The following KAT6B variants were observed in gnomAD, a reference collection of about 807,000 sequenced individuals.
The protein encoded by KAT6B is histone acetyltransferase KAT6B.
In KAT6B, 10 loss-of-function variants were observed where a neutral mutation model predicts 187.5. That is an observed-to-expected ratio of 0.05 (90% CI 0.03 to 0.09). The LOEUF is 0.09. KAT6B is among the 10% of genes least tolerant of loss of function. The probability of loss-of-function intolerance (pLI) is 1.00; values close to 1 mark genes in which losing one functional copy is unlikely to be tolerated. For synonymous variants in KAT6B, 861 were observed against 926.8 expected, an observed-to-expected ratio of 0.93 and a Z score of 1.29; for missense variants, 1,952 against 2,558.9, an observed-to-expected ratio of 0.76 and a Z score of 5.12.
chr10:74,858,648 A>G (rs956679467), intron 3 of KAT6B, among the ~76,000 whole-genome samples: 1 of 152,104 alleles, frequency 6.6e-6, no homozygotes, highest in Admixed American at 6.6e-5. Flanking sequence ...CACAGGGTGC[A>G]TGAAAAATAC....
intron 3 of KAT6B, among the ~76,000 whole-genome samples, chr10:74,893,105 AC>A (rs1348622147): frequency 6.6e-6 from 1 of 152,206 alleles, no homozygotes; most frequent in Non-Finnish European, 1.5e-5. Context: ...CTGAGAGGAG[AC>A]TGAGAGCTGA....
intron 3 of KAT6B, among the ~76,000 whole-genome samples, chr10:74,913,101 A>G (rs746567309): frequency 1.3e-5 from 2 of 152,212 alleles, no homozygotes; most frequent in Non-Finnish European, 2.9e-5. Flanking sequence ...GGAGGGGAAG[A>G]TTTGCTATGA....
intron 17 of KAT6B, chr10:75,025,893 T>G (rs1001988500): frequency 6.5e-6 from 1 of 153,584 alleles, no homozygotes; most frequent in Non-Finnish European, 1.4e-5. Flanking sequence ...GATGTAGTGG[T>G]GTGCACCTGT....
intron 3 of KAT6B, among the ~76,000 whole-genome samples, chr10:74,856,348 A>G (rs375081602): frequency 9.9e-5 from 15 of 152,244 alleles, no homozygotes; most frequent in East Asian, 7.7e-4. Context: ...AGGCCTCCCA[A>G]AGTGCTGGGA....
At chr10:74,982,516 T>A (rs894920056) in intron 11 of KAT6B, 4 of 154,926 alleles carry the variant, frequency 2.6e-5, no homozygotes, top group Non-Finnish European at 4.3e-5. Context: ...CATTTTGTAT[T>A]TCCAGAATTG....
At chr10:74,894,471 G>A (rs1845851965) in intron 3 of KAT6B, among the ~76,000 whole-genome samples, 1 of 152,180 alleles carries the variant, frequency 6.6e-6, no homozygotes, top group African/African-American at 2.4e-5. Context: ...TAAGTGTGTA[G>A]TATGGTAGTG....
chr10:74,909,525 A>G (rs552566535), intron 3 of KAT6B, among the ~76,000 whole-genome samples: 1 of 152,314 alleles, frequency 6.6e-6, no homozygotes, highest in African/African-American at 2.4e-5. Flanking sequence ...CATTGCATTA[A>G]CAGAACTGCC....
chr10:74,845,641 T>G (rs1368095671), intron 3 of KAT6B, among the ~76,000 whole-genome samples: 1 of 151,120 alleles, frequency 6.6e-6, no homozygotes, highest in Admixed American at 6.6e-5. Flanking sequence ...GGAATACAGG[T>G]GTATGCCACC....
At chr10:74,854,742 C>G (rs1842705382) in intron 3 of KAT6B, among the ~76,000 whole-genome samples, 1 of 152,094 alleles carries the variant, frequency 6.6e-6, no homozygotes, top group Non-Finnish European at 1.5e-5. Flanking sequence ...TGTGATAAAC[C>G]AGCTGCAATT....
chr10:74,955,658 A>G (rs1335395951), intron 3 of KAT6B, among the ~76,000 whole-genome samples: 2 of 152,030 alleles, frequency 1.3e-5, no homozygotes, highest in Admixed American at 6.6e-5. Context: ...TAAAGACATC[A>G]TAACACTTTA....
intron 3 of KAT6B, among the ~76,000 whole-genome samples, chr10:74,853,201 A>T (rs543035303): frequency 1.4e-5 from 2 of 142,604 alleles, no homozygotes; most frequent in South Asian, 4.4e-4. Context: ...TGCAGCCTCG[A>T]CCTCCCGGGC....
chr10:74,926,118 AGACT>A (rs1397699637), intron 3 of KAT6B, among the ~76,000 whole-genome samples: 3 of 152,216 alleles, frequency 2.0e-5, no homozygotes, highest in Non-Finnish European at 4.4e-5. Flanking sequence ...TTGATATTTT[AGACT>A]AGTCAAAAAT....
intron 3 of KAT6B, among the ~76,000 whole-genome samples, chr10:74,912,388 G>GATAGATAC (rs1014893922): frequency 1.3e-5 from 2 of 151,776 alleles, no homozygotes; most frequent in Non-Finnish European, 2.9e-5. Flanking sequence ...TAGATAGATA[G>GATAGATAC]ATAGATAGAT....
chr10:74,990,566 T>C (rs1003234125), intron 13 of KAT6B, among the ~76,000 whole-genome samples: 1 of 152,208 alleles, frequency 6.6e-6, no homozygotes, highest in African/African-American at 2.4e-5. Flanking sequence ...TTTTAGTTAT[T>C]TATTAATTAC....
intron 12 of KAT6B, among the ~76,000 whole-genome samples, chr10:74,987,730 A>G (rs1362330506): frequency 6.6e-6 from 1 of 152,250 alleles, no homozygotes; most frequent in Admixed American, 6.5e-5. Context: ...GAGGGGAAGA[A>G]GGATCACTAC....
At chr10:74,944,446 A>G (rs1285660970) in intron 3 of KAT6B, among the ~76,000 whole-genome samples, 1 of 152,218 alleles carries the variant, frequency 6.6e-6, no homozygotes, top group Non-Finnish European at 1.5e-5. Context: ...AAAAGATTCT[A>G]ACAGAAACTG....
At chr10:74,955,004 G>A (rs1314562710) in intron 3 of KAT6B, among the ~76,000 whole-genome samples, 1 of 152,088 alleles carries the variant, frequency 6.6e-6, no homozygotes, top group Non-Finnish European at 1.5e-5. Flanking sequence ...CATCTGTGGG[G>A]GATTGGGTAC....
At chr10:74,999,790 C>G (rs976156067) in intron 13 of KAT6B, among the ~76,000 whole-genome samples, 8 of 152,208 alleles carry the variant, frequency 5.3e-5, no homozygotes, top group African/African-American at 1.9e-4. Flanking sequence ...CCCAGAGATT[C>G]AGTGCCCCAG....
chr10:75,029,726 T>G lies in KAT6B; in HGVS notation c.4902T>G (p.Ser1634Arg), dbSNP rs765465332. The G allele has an allele frequency of 2.5e-6, 4 of 1,614,164 alleles. No individual in the cohort carries two copies. In the South Asian group the frequency reaches 4.4e-5, roughly 18 times the overall value. ...ACGCCCAAATCAGCCCAGATCAAAG[T>G]GCCATCTCAGTGCCATCTCTGCAGA... ...NSYAQISPDQ[S>R]AISVPSLQNM... The change falls in exon 18 of 18, where the codon AGT (serine) becomes AGG (arginine). Residue 1634 changes from serine to arginine, a missense_variant. By Grantham distance (110) the Ser-to-Arg change is moderately radical. Around this residue, in one of 9 missense-constraint regions of KAT6B, gnomAD observed 87 missense variants for 167.5 expected, o/e 0.52. Transcript: ENST00000287239. The surrounding 1 kb of genome is among the most constrained non-coding windows in gnomAD (Gnocchi z 6.2).
Sources: gnomAD v4.1 joint callset for allele counts (sites outside exome capture counted in the v4.1 genomes callset) on GRCh38, gnomAD v4.1.1 for gene constraint, gnomAD v4.1.1 regional missense constraint, Gnocchi (gnomAD v3.1) non-coding constraint, MANE v1.5 for transcripts, NCBI Gene and HGNC (gene_info 2026-07-23, HGNC 2026-07-21) for gene names.